The following INPP4B variants were observed in gnomAD, a reference collection of about 807,000 sequenced individuals.
The protein encoded by INPP4B is inositol polyphosphate-4-phosphatase type II B.
Under a neutral mutation model 122.5 loss-of-function variants are expected in INPP4B, and 55 were observed. The ratio of observed to expected loss-of-function variants is 0.45; its 90% CI spans 0.36 to 0.56. The LOEUF is 0.56. Among genes scored for constraint, INPP4B ranks in the 20% least tolerant of loss-of-function variants. The probability of loss-of-function intolerance (pLI) is 0.00; values close to 1 mark genes in which losing one functional copy is unlikely to be tolerated. For synonymous variants in INPP4B, 403 were observed against 388.7 expected (o/e 1.04, Z -0.43); for missense variants, 1,000 against 1,097.7 (o/e 0.91, Z 1.26).
intron 2 of INPP4B, among the ~76,000 whole-genome samples, chr4:142,612,029 C>T (rs1435084455): frequency 6.6e-6 from 1 of 152,138 alleles, no homozygotes; most frequent in African/African-American, 2.4e-5. Context: ...CACAGGTTTA[C>T]ATGCATTATT....
chr4:142,160,728 G>T (rs896275158), intron 16 of INPP4B, among the ~76,000 whole-genome samples, 167 bp from the exon 17 acceptor site: 9 of 151,988 alleles, frequency 5.9e-5, no homozygotes, highest in Non-Finnish European at 1.3e-4. Context: ...AAAATAGTTT[G>T]GTTCTGGGAT....
intron 16 of INPP4B, among the ~76,000 whole-genome samples, chr4:142,166,178 C>G (rs1822617551): frequency 1.3e-5 from 2 of 151,482 alleles, no homozygotes; most frequent in South Asian, 4.1e-4. Context: ...AGAAGTTTGC[C>G]TGCTTTTGTT....
At chr4:142,050,356 G>T (rs1753837922) in intron 25 of INPP4B, among the ~76,000 whole-genome samples, 1 of 151,910 alleles carries the variant, frequency 6.6e-6, no homozygotes, top group South Asian at 2.1e-4. Context: ...TCTGGTAAAA[G>T]AAGAATTAGC....
At chr4:142,355,484 T>C (rs1783293245) in intron 7 of INPP4B, among the ~76,000 whole-genome samples, 2 of 152,044 alleles carry the variant, frequency 1.3e-5, no homozygotes, top group African/African-American at 4.8e-5. Context: ...GCCAATGCTA[T>C]GCTTTTATAC....
At chr4:142,786,529 C>T (rs1775789022) in intron 1 of INPP4B, among the ~76,000 whole-genome samples, 1 of 151,998 alleles carries the variant, frequency 6.6e-6, no homozygotes, top group Admixed American at 6.6e-5. Context: ...ATTCCCTGCT[C>T]CTTAACTGTG....
At chr4:142,598,886 A>T (rs1390039267) in intron 2 of INPP4B, among the ~76,000 whole-genome samples, 1 of 152,186 alleles carries the variant, frequency 6.6e-6, no homozygotes, top group Non-Finnish European at 1.5e-5. Context: ...AGGTAGGTGA[A>T]TCAGAGGGCT....
At chr4:142,771,778 A>G (rs1467165820) in intron 1 of INPP4B, among the ~76,000 whole-genome samples, 1 of 152,156 alleles carries the variant, frequency 6.6e-6, no homozygotes, top group Non-Finnish European at 1.5e-5. Context: ...AACAACTGTT[A>G]CCAGTATTCT....
intron 2 of INPP4B, among the ~76,000 whole-genome samples, chr4:142,633,398 G>GA (rs1580566197): frequency 4.6e-5 from 7 of 152,226 alleles, no homozygotes; most frequent in Admixed American, 2.6e-4. Context: ...ACCATTAACT[G>GA]AAAAATATAG....
At chr4:142,622,236 C>T (rs1368503098) in intron 2 of INPP4B, among the ~76,000 whole-genome samples, 1 of 151,840 alleles carries the variant, frequency 6.6e-6, no homozygotes, top group Non-Finnish European at 1.5e-5. Context: ...AACCATATTG[C>T]TAACACTGAT....
chr4:142,311,925 T>C (rs1412852421), intron 8 of INPP4B, among the ~76,000 whole-genome samples: 1 of 152,226 alleles, frequency 6.6e-6, no homozygotes. Flanking sequence ...GGATAGAGTC[T>C]GGTTGCTTCA....
intron 1 of INPP4B, among the ~76,000 whole-genome samples, chr4:142,837,449 T>C (rs2151200676): frequency 6.6e-6 from 1 of 152,306 alleles, no homozygotes; most frequent in East Asian, 1.9e-4. Context: ...TTACCTGCTG[T>C]GTGATCTTGG....
chr4:142,123,232 TGG>T, intron 20 of INPP4B, 58 bp downstream of exon 20: 2 of 1,370,020 alleles, frequency 1.5e-6, no homozygotes, highest in Non-Finnish European at 2.0e-6. Context: ...GAAAAATTTC[TGG>T]ATTAAATGTC....
chr4:142,353,646 G>A (rs1782660298), intron 7 of INPP4B, among the ~76,000 whole-genome samples: 1 of 151,854 alleles, frequency 6.6e-6, no homozygotes, highest in Admixed American at 6.6e-5. Context: ...TTATCTGATT[G>A]CTGCCTTTGC....
chr4:142,546,043 C>T (rs1182180141), intron 2 of INPP4B, among the ~76,000 whole-genome samples: 5 of 151,856 alleles, frequency 3.3e-5, no homozygotes, highest in African/African-American at 1.2e-4. Context: ...GGTATTAAGC[C>T]TAGTACTGAT....
chr4:142,182,703 T>C (rs1370443809), intron 15 of INPP4B, among the ~76,000 whole-genome samples: 1 of 152,100 alleles, frequency 6.6e-6, no homozygotes, highest in Non-Finnish European at 1.5e-5. Context: ...ATTTCCTGTA[T>C]CCCCTTTCTC....
intron 25 of INPP4B, among the ~76,000 whole-genome samples, chr4:142,044,534 A>G (rs1312790267): frequency 6.6e-6 from 1 of 152,126 alleles, no homozygotes; most frequent in African/African-American, 2.4e-5. Flanking sequence ...ATTAGGTTAC[A>G]AGCAGCTGAT....
At chr4:142,106,210 G>C (rs956580632) in intron 23 of INPP4B, among the ~76,000 whole-genome samples, 1 of 152,198 alleles carries the variant, frequency 6.6e-6, no homozygotes, top group Non-Finnish European at 1.5e-5. Context: ...TTTGCAAGGA[G>C]AGAAATATAT....
intron 2 of INPP4B, among the ~76,000 whole-genome samples, chr4:142,723,630 T>C (rs1236802489): frequency 6.6e-6 from 1 of 152,092 alleles, no homozygotes; most frequent in Non-Finnish European, 1.5e-5. Context: ...ATCCAACAGA[T>C]TGCATGCTGA....
At chr4:142,433,506 C>A (rs541186457) in intron 3 of INPP4B, among the ~76,000 whole-genome samples, 2 of 152,146 alleles carry the variant, frequency 1.3e-5, no homozygotes, top group Admixed American at 6.5e-5. Context: ...TTTAATTGAA[C>A]AATATTTCTC....
Sources: allele counts gnomAD v4.1 joint callset (sites outside exome capture counted in the v4.1 genomes callset), GRCh38; gene constraint gnomAD v4.1.1; transcripts MANE v1.5; gene names NCBI Gene and HGNC (gene_info 2026-07-23, HGNC 2026-07-21).